TNKS2: variants seen among roughly 807,000 people sequenced by gnomAD.
TNKS2 encodes the protein tankyrase 2.
In TNKS2, 72 loss-of-function variants were observed where a neutral mutation model predicts 137.6. The observed-to-expected ratio is 0.52, with a 90% confidence interval of 0.43 to 0.64. TNKS2 has a LOEUF of 0.64. Among genes scored for constraint, TNKS2 ranks in the 30% least tolerant of loss-of-function variants. The pLI is 0.00. For synonymous variants in TNKS2, 516 were observed against 512.1 expected, an observed-to-expected ratio of 1.01 and a Z score of -0.10; for missense variants, 1,049 against 1,410.2, an observed-to-expected ratio of 0.74 and a Z score of 4.10.
At chr10:91,807,723 A>T (rs371697683) in intron 1 of TNKS2, among the ~76,000 whole-genome samples, 1 of 152,194 alleles carries the variant, frequency 6.6e-6, no homozygotes, top group Non-Finnish European at 1.5e-5. Flanking sequence ...TGCCGGGCGC[A>T]GTGGCTCATG....
At chr10:91,846,986 T>C (rs1842394395) in intron 18 of TNKS2, among the ~76,000 whole-genome samples, 1 of 152,226 alleles carries the variant, frequency 6.6e-6, no homozygotes, top group Non-Finnish European at 1.5e-5. Flanking sequence ...ATGAACTGCC[T>C]AACCTCTAAA....
chr10:91,833,829 T>C, intron 11 of TNKS2, 24 bp from the exon 12 acceptor site: 1 of 1,544,252 alleles, frequency 6.5e-7, no homozygotes, highest in Admixed American at 2.1e-5. Flanking sequence ...GCGGGCTAAT[T>C]TCAATTTTTT....
At chr10:91,799,495 TTAGACACACACACATAC>T (rs1844087656) in intron 1 of TNKS2, among the ~76,000 whole-genome samples, 1 of 152,130 alleles carries the variant, frequency 6.6e-6, no homozygotes, top group Non-Finnish European at 1.5e-5. Flanking sequence ...GCGGGAAGCC[TTAGACACACACACATAC>T]AAGTTGGGCG....
intron 13 of TNKS2, among the ~76,000 whole-genome samples, chr10:91,838,865 T>TTTTGTTTG (rs371323141): frequency 6.6e-6 from 1 of 152,136 alleles, no homozygotes; most frequent in East Asian, 1.9e-4. Context: ...GATATATTCT[T>TTTTGTTTG]TTTGTTTGTT....
chr10:91,834,921 A>G (rs551194773), intron 12 of TNKS2, among the ~76,000 whole-genome samples: 37 of 152,312 alleles, frequency 2.4e-4, no homozygotes, highest in African/African-American at 8.7e-4. Flanking sequence ...CTTTCCAACT[A>G]GTTTCTTACA....
intron 3 of TNKS2, among the ~76,000 whole-genome samples, chr10:91,817,445 AT>A (rs1374642404): frequency 6.6e-6 from 1 of 152,180 alleles, no homozygotes; most frequent in Non-Finnish European, 1.5e-5. Context: ...TAAGTATGTC[AT>A]TGTTGCCTTA....
Position 91,826,999 on chromosome 10 carries a change from A to T in TNKS2, c.796-18A>T. The T allele has an allele frequency of 6.6e-7, 1 of 1,505,516 alleles. No individual in the cohort carries two copies. The highest frequency in any genetic ancestry group is 8.9e-7 in the Non-Finnish European group (1 of 1,124,768). 93.3% of individuals were successfully genotyped at this position (1,505,516 alleles called of 1,614,324 possible). On this transcript the variant is annotated intron_variant, in intron 7 of 26. Coordinates refer to ENST00000371627, the MANE Select transcript of TNKS2 (RefSeq NM_025235.4). The stretch of plus-strand genomic sequence containing the variant: ...CTTTTAAAAATTGAACATTAAATAT[A>T]TGCTTTTTGCTCTCCAGCATGGTGC...
chr10:91,811,677 G>A (rs1020561610), intron 1 of TNKS2, among the ~76,000 whole-genome samples: 1 of 152,034 alleles, frequency 6.6e-6, no homozygotes, highest in Non-Finnish European at 1.5e-5. Context: ...CCCAGGCATC[G>A]ACCTTAGAAA....
At chr10:91,806,156 A>G (rs990265315) in intron 1 of TNKS2, among the ~76,000 whole-genome samples, 8 of 151,936 alleles carry the variant, frequency 5.3e-5, no homozygotes, top group African/African-American at 1.9e-4. Flanking sequence ...GTTGTTCAAC[A>G]TGACAAATTT....
chr10:91,845,734 G>T lies in TNKS2; in HGVS notation c.2170-18G>T. The T allele has an allele frequency of 6.8e-7, 1 of 1,461,860 alleles. No individual in the cohort carries two copies. The highest frequency in any genetic ancestry group is 9.2e-7 in the Non-Finnish European group (1 of 1,091,052). 90.6% of individuals were successfully genotyped at this position (1,461,860 alleles called of 1,614,324 possible). On this transcript the variant is annotated intron_variant, in intron 17 of 26. Coordinates refer to ENST00000371627, the MANE Select transcript of TNKS2 (RefSeq NM_025235.4). ...ACAAAATAATATTTCAGACTGTAAC[G>T]GGTATTTTCTTTTACAGCATGTAGA...
Position 91,832,782 on chromosome 10 carries a change from TTGG to T in TNKS2, c.1276-1067_1276-1065del, listed in dbSNP as rs140097775. 5.6e-3 allele frequency among the ~76,000 whole-genome samples: 855 copies of T among 152,256 alleles called. 8 individuals carry two copies. Among genetic ancestry groups the T allele is most frequent in the African/African-American group, 0.019 (791 of 41,552 alleles). On this transcript the variant is annotated intron_variant, in intron 11 of 26. Transcript: ENST00000371627. ...CCATAGCAGGGAGGTAGGGATAACGTTGGTGGAGTCTTACAGGTGATTTTTTTT... is the reference window on the plus strand; with the variant it reads ...CCATAGCAGGGAGGTAGGGATAACGTTGGAGTCTTACAGGTGATTTTTTTT...
rs989133714 is a variant in TNKS2 at position 91,812,662 on chromosome 10, G to A, written c.200-321G>A. The A allele has an allele frequency of 7.9e-5, 40 of 508,518 alleles. 1 individual carries two copies. The highest frequency in any genetic ancestry group is 1.9e-4 in the Admixed American group (3 of 15,698). The allele number at this position is 508,518 out of a possible 1,614,324, so 31.5% of individuals were successfully genotyped here. On this transcript the variant is annotated intron_variant, in intron 1 of 26. Coordinates refer to ENST00000371627, the MANE Select transcript of TNKS2 (RefSeq NM_025235.4). ...CTGAAAATGTATACATACTAAATAC[G>A]CAGAACTCTATTGTAGAGTGAGAAA...
At chr10:91,806,909 A>C (rs1844340694) in intron 1 of TNKS2, among the ~76,000 whole-genome samples, 1 of 152,208 alleles carries the variant, frequency 6.6e-6, no homozygotes, top group Admixed American at 6.5e-5. Flanking sequence ...AGAAACAATT[A>C]CATGTTTTAC....
At chr10:91,844,369 G>A (rs1842302058) in intron 16 of TNKS2, among the ~76,000 whole-genome samples, 1 of 152,032 alleles carries the variant, frequency 6.6e-6, no homozygotes, top group Non-Finnish European at 1.5e-5. Flanking sequence ...TTATTTCATG[G>A]CTTTAACAGC....
At chr10:91,802,066 A>G (rs11186687) in intron 1 of TNKS2, among the ~76,000 whole-genome samples, 28,920 of 152,096 alleles carry the variant, frequency 0.19, 2,840 homozygotes, top group Middle Eastern at 0.28. Context: ...AGGAGCTTGC[A>G]TTGTAGAGTC....
Position 91,817,300 on chromosome 10 carries a change from C to T in TNKS2, c.520+71C>T, listed in dbSNP as rs935823371. On this transcript the variant is annotated intron_variant, in intron 3 of 26. Transcript: ENST00000371627. ...ACCTTGCCAGGTAGGAAATTTGCCT[C>T]CTATGATTAATGACTTCAGCTAGAT... The T allele has an allele frequency of 1.2e-5, 12 of 1,006,574 alleles. No individual in the cohort carries two copies. In the African/African-American group the frequency reaches 1.5e-4, roughly 12 times the overall value. 62.4% of individuals were successfully genotyped at this position (1,006,574 alleles called of 1,614,324 possible).
rs549884707 is a variant in TNKS2 at position 91,831,164 on chromosome 10, G to A, written c.1258G>A (p.Val420Met). 2.9e-5 allele frequency: 47 copies of A among 1,613,944 alleles called. 2 individuals carry two copies. The South Asian group carries it at 4.7e-4, about 16-fold the overall frequency. Residue 420 changes from valine to methionine, a missense_variant, in exon 11 of 27, where the codon GTG becomes ATG. Physicochemically the swap from Val to Met is conservative, Grantham distance 21. Transcript: ENST00000371627. ...KAHNDVVEVV[V>M]KHEAKVNALD... ...TCATAATGATGTTGTTGAAGTAGTG[G>A]TGAAACATGAAGCAAAGGTATACTT...
intron 21 of TNKS2, among the ~76,000 whole-genome samples, chr10:91,852,191 G>A (rs1338459635): frequency 6.6e-6 from 1 of 151,400 alleles, no homozygotes; most frequent in Non-Finnish European, 1.5e-5. Context: ...TCACACCACT[G>A]CACTCCAGCC....
chr10:91,813,270 T>A, intron 2 of TNKS2, 63 bp downstream of exon 2: 3 of 1,322,084 alleles, frequency 2.3e-6, no homozygotes, highest in African/African-American at 1.5e-5. Flanking sequence ...TGAACTGAAT[T>A]AATCTGTTCA....
Sources: gnomAD v4.1 joint callset for allele counts (sites outside exome capture counted in the v4.1 genomes callset) on GRCh38, gnomAD v4.1.1 for gene constraint, MANE v1.5 for transcripts, NCBI Gene and HGNC (gene_info 2026-07-23, HGNC 2026-07-21) for gene names.